Variants in NLRP5 observed in about 807,000 individuals in gnomAD.
NLRP5 encodes the protein NACHT, LRR and PYD domains-containing protein 5.
NLRP5 carries 93 observed loss-of-function variants against 113.1 expected under a neutral mutation model. That is an observed-to-expected ratio of 0.82 (90% CI 0.70 to 0.98). NLRP5 has a LOEUF of 0.98. NLRP5 is among the 50% of genes least tolerant of loss of function. NLRP5 has a pLI of 0.00. For missense variants in NLRP5, 1,808 were observed against 1,514.3 expected, an observed-to-expected ratio of 1.19 and a Z score of -3.22; for synonymous variants, 751 against 600.7, an observed-to-expected ratio of 1.25 and a Z score of -3.66.
intron 3 of NLRP5, 150 bp downstream of exon 3, chr19:56,009,003 G>T: frequency 1.4e-6 from 1 of 716,146 alleles, no homozygotes; most frequent in Non-Finnish European, 2.4e-6. Flanking sequence ...TGGGTTCTGA[G>T]GATCTGGTAA....
chr19:56,015,792 G>C lies in NLRP5; in HGVS notation c.559G>C (p.Glu187Gln). The C allele has an allele frequency of 6.4e-7, 1 of 1,566,818 alleles. No individual in the cohort carries two copies. The highest frequency in any genetic ancestry group is 8.7e-7 in the Non-Finnish European group (1 of 1,154,592). The change falls in exon 4 of 15, where the codon GAA becomes CAA. Residue 187 changes from glutamate (E) to glutamine (Q), a missense_variant. Physicochemically the swap from Glu to Gln is conservative, Grantham distance 29. Transcript: ENST00000390649. ...TAGTGCCACAGCTGCAGAGACAAAA[G>C]AACAAGGTGAATGAAATAGATCTAT...
At chr19:56,016,795 A>C (rs1982419451) in intron 4 of NLRP5, among the ~76,000 whole-genome samples, 1 of 152,126 alleles carries the variant, frequency 6.6e-6, no homozygotes, top group Non-Finnish European at 1.5e-5. Flanking sequence ...TTTAGAGCTG[A>C]ATAACCCATT....
In NLRP5 at chr19:56,061,399, G is replaced by A. The variant is rs932914838; in HGVS notation, c.3474G>A (p.Leu1158=). 3 of 1,613,688 alleles carry A rather than the reference G, an allele frequency of 1.9e-6. No individual in the cohort carries two copies. Among genetic ancestry groups the A allele is most frequent in the African/African-American group, 2.7e-5 (2 of 74,932 alleles). ...AGTCCTCTCTCTGCCTCCCCAGGCT[G>A]TGGAAATGGCAGTACCCTGTGCAAA... Residue 1158 remains leucine, a synonymous_variant, in exon 15 of 15, where the codon CTG becomes CTA. Coordinates refer to ENST00000390649, the MANE Select transcript of NLRP5 (RefSeq NM_153447.4).
At chr19:56,058,188 A>T (rs908281282) in intron 13 of NLRP5, 52 bp from the exon 14 acceptor site, 1 of 1,335,662 alleles carries the variant, frequency 7.5e-7, no homozygotes, top group Non-Finnish European at 1.0e-6. Context: ...GGTTGAATGA[A>T]GGGTCCATCA....
At chr19:56,042,684 T>C (rs1056867083) in intron 11 of NLRP5, among the ~76,000 whole-genome samples, 5 of 152,174 alleles carry the variant, frequency 3.3e-5, no homozygotes. Flanking sequence ...TTGTGATATT[T>C]TGGTGCACCC....
At chr19:56,041,978 A>G (rs919852474) in intron 11 of NLRP5, among the ~76,000 whole-genome samples, 1 of 152,126 alleles carries the variant, frequency 6.6e-6, no homozygotes, top group Non-Finnish European at 1.5e-5. Context: ...AAAATTGCCC[A>G]CAAAAAGCAC....
intron 7 of NLRP5, among the ~76,000 whole-genome samples, chr19:56,032,272 G>A (rs1300403165): frequency 6.6e-6 from 1 of 151,872 alleles, no homozygotes; most frequent in Non-Finnish European, 1.5e-5. Flanking sequence ...TCGAACCCAG[G>A]AGGCAGAAGT....
At chr19:56,018,827 CTTA>C (rs546169036) in intron 4 of NLRP5, 79 of 153,636 alleles carry the variant, frequency 5.1e-4, no homozygotes, top group South Asian at 1.4e-3. Flanking sequence ...TTTTTGTATT[CTTA>C]TTATTATTTT....
chr19:56,001,158 AC>A (rs1731022646), intron 1 of NLRP5, among the ~76,000 whole-genome samples: 1 of 78,514 alleles, frequency 1.3e-5, no homozygotes, highest in Admixed American at 1.4e-4. Context: ...CCTTGTCTCT[AC>A]TTTTTTTTTT....
At chr19:56,013,976 G>T (rs942849079) in intron 3 of NLRP5, among the ~76,000 whole-genome samples, 3 of 151,880 alleles carry the variant, frequency 2.0e-5, no homozygotes, top group African/African-American at 4.8e-5. Flanking sequence ...TCAAATCCTT[G>T]GTCCTTTTTT....
intron 9 of NLRP5, among the ~76,000 whole-genome samples, chr19:56,034,582 C>T (rs1983243397): frequency 6.6e-6 from 1 of 152,204 alleles, no homozygotes; most frequent in Admixed American, 6.5e-5. Flanking sequence ...CTAACCGCAC[C>T]ATTCCTAATC....
In NLRP5 at chr19:56,007,978, C is replaced by T. The variant is rs1341405126; in HGVS notation, c.443-810C>T. ...CTGTCGCCCAGGCTGGGCTGTCGCC[C>T]AGTGCAGTGGCGCGATCTCGGCTCA... On this transcript the variant is annotated intron_variant, in intron 2 of 14. Transcript: ENST00000390649. Among the ~76,000 whole-genome samples the T allele has an allele frequency of 4.3e-5, 3 of 69,608 alleles. 1 individual carries two copies. The highest frequency in any genetic ancestry group is 1.1e-4 in the Non-Finnish European group (3 of 27,178). The allele number at this position is 69,608 out of a possible 152,430, so 45.7% of individuals were successfully genotyped here.
At chr19:56,034,924 A>G (rs1983257326) in intron 9 of NLRP5, among the ~76,000 whole-genome samples, 1 of 152,118 alleles carries the variant, frequency 6.6e-6, no homozygotes, top group Admixed American at 6.5e-5. Flanking sequence ...TAGAGATACA[A>G]CTATTTAATG....
upstream of NLRP5, among the ~76,000 whole-genome samples, chr19:55,998,703 TGTGTGTGTG>T (rs1568478258): frequency 5.4e-5 from 1 of 18,554 alleles, no homozygotes; most frequent in Admixed American, 4.9e-4. Flanking sequence ...TATATATATA[TGTGTGTGTG>T]TGTATATATA....
At chr19:56,050,338 G>C in intron 11 of NLRP5, 80 bp from the exon 12 acceptor site, 14 of 1,353,138 alleles carry the variant, frequency 1.0e-5, no homozygotes, top group Non-Finnish European at 1.4e-5. Flanking sequence ...GACTGCAGCT[G>C]GGAGGAGAGC....
At chr19:56,019,485 G>A in intron 5 of NLRP5, 87 bp downstream of exon 5, 1 of 1,429,334 alleles carries the variant, frequency 7.0e-7, no homozygotes, top group Non-Finnish European at 9.7e-7. Flanking sequence ...TCAAGGGTAT[G>A]TAGTTTAGAT....
chr19:55,992,794 T>C, the NLRP5 span, among the ~76,000 whole-genome samples: 1 of 152,180 alleles, frequency 6.6e-6, no homozygotes, highest in Non-Finnish European at 1.5e-5. Context: ...CAAAAATAGA[T>C]ACATTTGCTG....
At chr19:56,009,339 C>CAAAAAAA (rs71296979) in intron 3 of NLRP5, among the ~76,000 whole-genome samples, 5,866 of 44,196 alleles carry the variant, frequency 0.13, 1,108 homozygotes, top group East Asian at 0.33. Context: ...GACTCCATCT[C>CAAAAAAA]AAAAAAAAAA....
chr19:56,026,738 A>G (rs1982868098), intron 6 of NLRP5, among the ~76,000 whole-genome samples, 175 bp from the exon 7 acceptor site: 2 of 151,468 alleles, frequency 1.3e-5, no homozygotes, highest in African/African-American at 4.8e-5. Context: ...AACTACCATG[A>G]CTAGCTAATT....
Sources: gnomAD v4.1 joint callset for allele counts (sites outside exome capture counted in the v4.1 genomes callset) on GRCh38, gnomAD v4.1.1 for gene constraint, MANE v1.5 for transcripts, NCBI Gene and HGNC (gene_info 2026-07-23, HGNC 2026-07-21) for gene names.